The following ADGRD1 variants were observed in gnomAD, a reference collection of about 807,000 sequenced individuals.
ADGRD1 encodes the protein adhesion G protein-coupled receptor D1.
ADGRD1 carries 77 observed loss-of-function variants against 113.4 expected under a neutral mutation model. The observed-to-expected ratio is 0.68, with a 90% confidence interval of 0.57 to 0.82. The LOEUF (loss-of-function observed/expected upper bound fraction) is 0.82. ADGRD1 is among the 40% of genes least tolerant of loss of function. ADGRD1 has a pLI of 0.00. For missense variants in ADGRD1, 1,036 were observed against 1,139.1 expected (o/e 0.91, Z 1.30); for synonymous variants, 474 against 475.0 (o/e 1.00, Z 0.03).
chr12:131,131,658 G>T, intron 20 of ADGRD1, 67 bp from the exon 21 acceptor site: 1 of 1,144,788 alleles, frequency 8.7e-7, no homozygotes, highest in Non-Finnish European at 1.3e-6. Context: ...CAGTGGCCAG[G>T]CGGACGCAGC....
intron 20 of ADGRD1, among the ~76,000 whole-genome samples, chr12:131,124,787 A>G (rs1950703777): frequency 6.6e-6 from 1 of 152,194 alleles, no homozygotes; most frequent in Non-Finnish European, 1.5e-5. Flanking sequence ...GTTCTTGGCT[A>G]TAAGGCAGGG....
intron 20 of ADGRD1, among the ~76,000 whole-genome samples, chr12:131,128,768 C>T (rs930473325): frequency 9.2e-5 from 14 of 152,132 alleles, no homozygotes; most frequent in Non-Finnish European, 1.9e-4. Flanking sequence ...GTGGCTTCTT[C>T]GCCAAGGAAG....
In ADGRD1 at chr12:130,971,246, G is replaced by GGC. The variant is rs1565990157; in HGVS notation, c.188-212_188-211insGC. ...ATCATTTAATATTAAATTTTTATCT[G>GGC]ACATACACATTAATAATTTACAATT... On this transcript the variant is annotated intron_variant, in intron 3 of 24. Coordinates refer to ENST00000261654, the MANE Select transcript of ADGRD1 (RefSeq NM_198827.5). The surrounding 1 kb of genome is among the most constrained non-coding windows in gnomAD (Gnocchi z 4.2). 1 of 243,638 alleles carries GGC rather than the reference G, an allele frequency of 4.1e-6. No individual in the cohort carries two copies. The highest frequency in any genetic ancestry group is 7.8e-6 in the Non-Finnish European group (1 of 127,890). The allele number at this position is 243,638 out of a possible 1,614,324, so 15.1% of individuals were successfully genotyped here.
intron 20 of ADGRD1, among the ~76,000 whole-genome samples, chr12:131,130,788 G>A (rs1163202783): frequency 6.6e-6 from 1 of 151,890 alleles, no homozygotes; most frequent in Non-Finnish European, 1.5e-5. Context: ...CCCGTGCGGG[G>A]CCCCAGTGGC....
intron 19 of ADGRD1, 29 bp from the exon 20 acceptor site, chr12:131,120,818 T>TG (rs751027147): frequency 6.2e-7 from 1 of 1,613,486 alleles, no homozygotes; most frequent in South Asian, 1.1e-5. Context: ...ACGAGGTTGT[T>TG]GAAGTAACGG....
At chr12:131,002,527 C>G (rs1593334309) in intron 9 of ADGRD1, 3 of 993,924 alleles carry the variant, frequency 3.0e-6, no homozygotes, top group Non-Finnish European at 3.6e-6. Flanking sequence ...GCAGTGAAGG[C>G]AGAGCTCACT....
At chr12:131,091,153 T>A (rs556482112) in intron 15 of ADGRD1, among the ~76,000 whole-genome samples, 1 of 152,264 alleles carries the variant, frequency 6.6e-6, no homozygotes, top group South Asian at 2.1e-4. Flanking sequence ...AGAAGGCAAG[T>A]TTTTCTTTTA....
intron 13 of ADGRD1, chr12:131,023,595 G>C (rs1259437497): frequency 6.6e-6 from 1 of 152,156 alleles, no homozygotes; most frequent in Non-Finnish European, 1.5e-5. Context: ...AGTTTATCCT[G>C]GAAGTCACTC....
chr12:130,969,079 A>C (rs1473069614), intron 3 of ADGRD1: 1 of 1,439,106 alleles, frequency 6.9e-7, no homozygotes, highest in Non-Finnish European at 9.4e-7. Flanking sequence ...GTAGGTGAGC[A>C]TTTATGTACT....
intron 13 of ADGRD1, among the ~76,000 whole-genome samples, chr12:131,038,947 G>T (rs374891178): frequency 6.6e-6 from 1 of 152,254 alleles, no homozygotes; most frequent in South Asian, 2.1e-4. Flanking sequence ...TTACGGCCTC[G>T]AGTGGAGGAG....
chr12:131,124,104 C>T (rs1032653901), intron 20 of ADGRD1, among the ~76,000 whole-genome samples: 9 of 152,194 alleles, frequency 5.9e-5, no homozygotes, highest in East Asian at 1.9e-4. Flanking sequence ...CCTACCCCTG[C>T]GGGGAGTGCC....
At position 131,000,448 on chromosome 12, in the gene ADGRD1, A is replaced by G; in HGVS notation, c.1026+6A>G. On this transcript the variant is annotated splice_donor_region_variant and intron_variant, in intron 9 of 24. Transcript: ENST00000261654. ...GTTGGATTGCTCTGTCAGAGGTAAG[A>G]GAAAAGAACATGGTCGGTCATGGTG... 6.2e-7 allele frequency: 1 copy of G among 1,610,306 alleles called. No homozygotes were observed. Among genetic ancestry groups the G allele is most frequent in the Non-Finnish European group, 8.5e-7 (1 of 1,177,536 alleles).
intron 13 of ADGRD1, among the ~76,000 whole-genome samples, chr12:131,059,052 T>C (rs1884105644): frequency 6.6e-6 from 1 of 152,232 alleles, no homozygotes; most frequent in Non-Finnish European, 1.5e-5. Context: ...GTTTAAAATC[T>C]ATTTTATCTC....
chr12:131,134,244 G>A (rs559190864), intron 21 of ADGRD1, among the ~76,000 whole-genome samples: 1 of 152,294 alleles, frequency 6.6e-6, no homozygotes, highest in South Asian at 2.1e-4. Context: ...GGCCAACCTT[G>A]GGGGAGCAGA....
At chr12:131,112,203 C>T (rs1950360885) in intron 18 of ADGRD1, among the ~76,000 whole-genome samples, 1 of 152,172 alleles carries the variant, frequency 6.6e-6, no homozygotes, top group South Asian at 2.1e-4. Context: ...CAGTCTTAGG[C>T]ATGTACAGTC....
intron 15 of ADGRD1, among the ~76,000 whole-genome samples, chr12:131,089,534 A>G (rs1164347334): frequency 6.6e-6 from 1 of 151,966 alleles, no homozygotes; most frequent in Non-Finnish European, 1.5e-5. Context: ...TAACTGTTGG[A>G]TACCCCCTGC....
intron 13 of ADGRD1, among the ~76,000 whole-genome samples, chr12:131,029,680 T>C (rs1303690343): frequency 7.1e-6 from 1 of 140,532 alleles, no homozygotes; most frequent in Non-Finnish European, 1.5e-5. Flanking sequence ...CCTCGTATGG[T>C]GACATTCCCA....
At chr12:131,055,484 C>T (rs117928139) in intron 13 of ADGRD1, among the ~76,000 whole-genome samples, 16 of 152,264 alleles carry the variant, frequency 1.1e-4, no homozygotes, top group East Asian at 1.9e-4. Flanking sequence ...CCCATTAACA[C>T]GTTAAATAAT....
At position 131,139,311 on chromosome 12, in the gene ADGRD1, C is replaced by CG. The variant is rs111994754; in HGVS notation, c.*48_*49insG. 4 of 1,307,202 alleles carry CG rather than the reference C, an allele frequency of 3.1e-6. No individual in the cohort carries two copies. The highest frequency in any genetic ancestry group is 1.8e-5 in the Admixed American group (1 of 54,696). The allele number at this position is 1,307,202 out of a possible 1,614,324, so 81.0% of individuals were successfully genotyped here. ...CAGGCTGCGCTCAGAACACACCCCCCCAAACAGAATGAAATGCCCCACCTT... is the reference window on the plus strand; with the variant it reads ...CAGGCTGCGCTCAGAACACACCCCCCGCAAACAGAATGAAATGCCCCACCTT... On this transcript the variant is annotated 3_prime_UTR_variant, in exon 25 of 25. Coordinates refer to ENST00000261654, the MANE Select transcript of ADGRD1 (RefSeq NM_198827.5).
Sources: allele counts gnomAD v4.1 joint callset (sites outside exome capture counted in the v4.1 genomes callset), GRCh38; gene constraint gnomAD v4.1.1; non-coding constraint Gnocchi (gnomAD v3.1); transcripts MANE v1.5; gene names NCBI Gene and HGNC (gene_info 2026-07-23, HGNC 2026-07-21).